Variants in PDHX observed in about 807,000 individuals in gnomAD.
PDHX encodes pyruvate dehydrogenase complex component X, also known as pyruvate dehydrogenase protein X component, mitochondrial.
A neutral mutation model predicts 55.3 loss-of-function variants in PDHX; 33 were observed. The observed-to-expected ratio is 0.60, with a 90% CI of 0.45 to 0.80. PDHX has a LOEUF of 0.80. PDHX is among the 30% of genes least tolerant of loss of function. The pLI is 0.00. For synonymous variants in PDHX, 226 were observed against 219.4 expected (o/e 1.03, Z -0.27); for missense variants, 622 against 619.9 (o/e 1.00, Z -0.04).
intron 6 of PDHX, among the ~76,000 whole-genome samples, chr11:34,969,853 T>C (rs1305676494): frequency 1.3e-5 from 2 of 151,990 alleles, no homozygotes; most frequent in African/African-American, 4.9e-5. Context: ...GGTAGGTTTC[T>C]TTCTTATCAT....
At chr11:34,949,165 T>G (rs907619700) in intron 3 of PDHX, among the ~76,000 whole-genome samples, 4 of 152,210 alleles carry the variant, frequency 2.6e-5, no homozygotes, top group African/African-American at 9.6e-5. Flanking sequence ...TTTTGGATAA[T>G]ATTTGGGAGT....
chr11:34,956,749 A>T (rs966778257), intron 3 of PDHX, among the ~76,000 whole-genome samples: 1 of 152,168 alleles, frequency 6.6e-6, no homozygotes, highest in African/African-American at 2.4e-5. Flanking sequence ...ATATACTTAT[A>T]AAAAAACTCA....
Position 34,995,914 on chromosome 11 carries a change from C to T in PDHX, c.*742C>T, listed in dbSNP as rs577566893. ...AATATGTAAACCTTTCTAGGTAAAC[C>T]GCTTGCCTTCATCTTGAGTCGGAAT... On this transcript the variant is annotated 3_prime_UTR_variant, in exon 11 of 11. Transcript: ENST00000227868. 2.6e-5 allele frequency: 4 copies of T among 152,250 alleles called. No individual in the cohort carries two copies. In the South Asian group the frequency reaches 6.2e-4, roughly 24 times the overall value. The allele number at this position is 152,250 out of a possible 1,614,324, so 9.4% of individuals were successfully genotyped here.
rs143131258 is a variant in PDHX at position 34,970,172 on chromosome 11, C to T, written c.850C>T (p.Arg284Ter). ...CACTGAAATCCCCGCCAGCAATATTCGAAGAGTTATTGCCAAGAGATTAAC... is the reference window on the plus strand; with the variant it reads ...CACTGAAATCCCCGCCAGCAATATTTGAAGAGTTATTGCCAAGAGATTAAC... ...TFTEIPASNI[R>*]RVIAKRLTES... The change falls in exon 7 of 11, where the codon CGA (arginine) becomes TGA (stop). Residue 284 changes from arginine to a stop codon, truncating the protein, a stop_gained. Coordinates refer to ENST00000227868, the MANE Select transcript of PDHX (RefSeq NM_003477.3). LOFTEE classifies it high-confidence loss of function. 24 of 1,612,612 alleles carry T rather than the reference C, an allele frequency of 1.5e-5. No individual in the cohort carries two copies. The highest frequency in any genetic ancestry group is 2.2e-5 in the East Asian group (1 of 44,870).
At chr11:34,989,279 G>A (rs1201654198) in intron 9 of PDHX, among the ~76,000 whole-genome samples, 3 of 152,190 alleles carry the variant, frequency 2.0e-5, no homozygotes, top group Non-Finnish European at 4.4e-5. Context: ...GCACATGACT[G>A]CATGTATAGA....
chr11:34,968,348 G>A (rs1177446911), intron 6 of PDHX, among the ~76,000 whole-genome samples: 1 of 151,262 alleles, frequency 6.6e-6, no homozygotes, highest in Non-Finnish European at 1.5e-5. Context: ...TATTCTACTT[G>A]ACCAAGTACT....
chr11:34,938,011 A>C (rs891326518), intron 2 of PDHX, among the ~76,000 whole-genome samples: 1 of 152,240 alleles, frequency 6.6e-6, no homozygotes, highest in African/African-American at 2.4e-5. Flanking sequence ...TTGGAATTAC[A>C]AAAGTCCAGG....
chr11:34,930,885 A>G lies in PDHX; in HGVS notation c.161-519A>G, dbSNP rs188180714. Among the ~76,000 whole-genome samples, 57 of 152,338 alleles carry G rather than the reference A, an allele frequency of 3.7e-4. 1 individual carries two copies. Among genetic ancestry groups the G allele is most frequent in the East Asian group, 2.5e-3 (13 of 5,194 alleles). ...CATACTTATTAGTAGGAACCTTTGA[A>G]TCTTGAATACTATAATATTAGATGA... On this transcript the variant is annotated intron_variant, in intron 1 of 10. Coordinates refer to ENST00000227868, the MANE Select transcript of PDHX (RefSeq NM_003477.3).
intron 1 of PDHX, among the ~76,000 whole-genome samples, chr11:34,929,388 G>T (rs1288570529): frequency 1.3e-5 from 2 of 152,052 alleles, no homozygotes; most frequent in Non-Finnish European, 2.9e-5. Flanking sequence ...GTGCCATCAC[G>T]CCTGGCTAAT....
At chr11:34,916,597 GGGGCCTTGATGCT>G (rs1853712072), upstream of PDHX, 6 of 1,591,918 alleles carry the variant, frequency 3.8e-6, no homozygotes, top group South Asian at 6.7e-5. Flanking sequence ...TGCGGGAGGC[GGGGCCTTGATGCT>G]GGACATCAGG....
intron 8 of PDHX, among the ~76,000 whole-genome samples, chr11:34,983,378 C>A (rs1190941186): frequency 6.6e-6 from 1 of 152,178 alleles, no homozygotes. Flanking sequence ...CAGAGATGCT[C>A]TCTCTCACCA....
At chr11:34,926,329 A>G (rs77442372) in intron 1 of PDHX, among the ~76,000 whole-genome samples, 309 of 152,278 alleles carry the variant, frequency 2.0e-3, no homozygotes, top group Non-Finnish European at 3.8e-3. Context: ...CGTTTTATTT[A>G]GTGTGTTCTG....
At chr11:34,982,887 A>T (rs1211665221) in intron 8 of PDHX, among the ~76,000 whole-genome samples, 1 of 152,210 alleles carries the variant, frequency 6.6e-6, no homozygotes, top group Non-Finnish European at 1.5e-5. Flanking sequence ...TATTCCAATC[A>T]ATAGAAAAAG....
Position 34,957,452 on chromosome 11 carries a change from T to C in PDHX, c.411T>C (p.Asp137=), listed in dbSNP as rs145394719. ...GTTTGATAGTAGAAGAAGGAGAAGA[T>C]TGGAAACATGTTGAAATTCCCAAAG... ...LIGLIVEEGE[D]WKHVEIPKDV... The change falls in exon 4 of 11, where the codon GAT becomes GAC. Residue 137 remains aspartate, a synonymous_variant. Coordinates refer to ENST00000227868, the MANE Select transcript of PDHX (RefSeq NM_003477.3). The C allele has an allele frequency of 2.8e-4, 457 of 1,613,662 alleles. No homozygotes were observed. The highest frequency in any genetic ancestry group is 3.7e-4 in the Non-Finnish European group (437 of 1,179,726).
Position 34,916,672 on chromosome 11 carries a change from G to A in PDHX, c.17G>A (p.Arg6Lys). Reference sequence around the variant, plus strand: ...GCCGTCAAGATGGCGGCCTCCTGGAGGCTGGGCTGTGATCCGCGGCTGCTG... The same window carrying A: ...GCCGTCAAGATGGCGGCCTCCTGGAAGCTGGGCTGTGATCCGCGGCTGCTG... Reference protein sequence around the residue: MAASWRLGCDPRLLRY... With the variant: MAASWKLGCDPRLLRY... Residue 6 changes from arginine to lysine, a missense_variant, in exon 1 of 11, where the codon AGG becomes AAG. By Grantham distance (26) the Arg-to-Lys change is conservative. Transcript: ENST00000227868. The A allele has an allele frequency of 6.2e-7, 1 of 1,610,868 alleles. No homozygotes were observed. The highest frequency in any genetic ancestry group is 8.5e-7 in the Non-Finnish European group (1 of 1,180,002).
intron 3 of PDHX, 68 bp from the exon 4 acceptor site, chr11:34,957,316 A>G (rs917261175): frequency 8.1e-6 from 9 of 1,116,912 alleles, no homozygotes; most frequent in Middle Eastern, 2.0e-4. Flanking sequence ...TTACCCAACA[A>G]AAGAACAAAC....
At chr11:34,931,812 T>TTGTG (rs35425265) in intron 2 of PDHX, among the ~76,000 whole-genome samples, 2,117 of 146,154 alleles carry the variant, frequency 0.014, 17 homozygotes, top group African/African-American at 0.02. Context: ...TTTATCATGA[T>TTGTG]TGTGTGTGTG....
chr11:34,981,571 G>T (rs1386249356), intron 8 of PDHX, among the ~76,000 whole-genome samples: 1 of 152,090 alleles, frequency 6.6e-6, no homozygotes, highest in Non-Finnish European at 1.5e-5. Flanking sequence ...CTGAGGAATC[G>T]CCACACTGAC....
At chr11:34,924,895 C>T (rs375003795) in intron 1 of PDHX, among the ~76,000 whole-genome samples, 6 of 152,022 alleles carry the variant, frequency 3.9e-5, no homozygotes, top group Non-Finnish European at 5.9e-5. Flanking sequence ...CTATTTTAGC[C>T]GTTTTCTGTG....
Sources: gnomAD v4.1 joint callset for allele counts (sites outside exome capture counted in the v4.1 genomes callset) on GRCh38, gnomAD v4.1.1 for gene constraint, MANE v1.5 for transcripts, NCBI Gene and HGNC (gene_info 2026-07-23, HGNC 2026-07-21) for gene names.